Variants in VWA3B observed in about 807,000 individuals in gnomAD.
The protein encoded by VWA3B is von Willebrand factor A domain-containing protein 3B.
Under a neutral mutation model 158.3 loss-of-function variants are expected in VWA3B, and 138 were observed. The observed-to-expected ratio is 0.87, with a 90% CI of 0.76 to 1.00. VWA3B has a LOEUF of 1.00. VWA3B is among the 50% of genes least tolerant of loss of function. VWA3B has a pLI of 0.00. For missense variants in VWA3B, 1,555 were observed against 1,565.1 expected, an observed-to-expected ratio of 0.99 and a Z score of 0.11; for synonymous variants, 596 against 587.3, an observed-to-expected ratio of 1.01 and a Z score of -0.21.
chr2:98,189,425 G>A (rs1681395788), intron 10 of VWA3B, among the ~76,000 whole-genome samples: 1 of 152,138 alleles, frequency 6.6e-6, no homozygotes, highest in African/African-American at 2.4e-5. Context: ...GGATTTTCCT[G>A]ATAGCTTTTG....
intron 22 of VWA3B, among the ~76,000 whole-genome samples, chr2:98,284,369 A>G (rs1558761000): frequency 6.6e-6 from 1 of 152,178 alleles, no homozygotes; most frequent in Non-Finnish European, 1.5e-5. Context: ...GATGGCTACA[A>G]CAGAACCCAG....
chr2:98,294,025 T>C (rs1689645124), intron 23 of VWA3B, among the ~76,000 whole-genome samples: 1 of 151,628 alleles, frequency 6.6e-6, no homozygotes, highest in African/African-American at 2.4e-5. Flanking sequence ...TTCCTCAGTT[T>C]GGGTTAGATT....
At chr2:98,191,895 A>C (rs1431260739) in intron 10 of VWA3B, among the ~76,000 whole-genome samples, 1 of 152,120 alleles carries the variant, frequency 6.6e-6, no homozygotes, top group Non-Finnish European at 1.5e-5. Context: ...CTCTGAGCTC[A>C]ATTCAAATAT....
intron 2 of VWA3B, among the ~76,000 whole-genome samples, chr2:98,098,474 G>A (rs1682864909): frequency 1.3e-5 from 2 of 151,588 alleles, no homozygotes; most frequent in Non-Finnish European, 2.9e-5. Context: ...AACCTTCTTT[G>A]TCTCTTTTTA....
intron 2 of VWA3B, among the ~76,000 whole-genome samples, chr2:98,107,528 G>A (rs908403737): frequency 2.0e-5 from 3 of 152,038 alleles, no homozygotes; most frequent in Non-Finnish European, 4.4e-5. Context: ...CCTTTTTGAA[G>A]AAGTTTTAAG....
chr2:98,279,500 GGAGTGTA>G (rs1179038182), intron 22 of VWA3B, among the ~76,000 whole-genome samples: 9 of 152,330 alleles, frequency 5.9e-5, no homozygotes, highest in Admixed American at 5.9e-4. Flanking sequence ...GGAAGAAAAC[GGAGTGTA>G]GAGGGCTTAG....
the VWA3B span, among the ~76,000 whole-genome samples, chr2:98,322,290 G>A: frequency 3.9e-5 from 6 of 152,346 alleles, no homozygotes; most frequent in East Asian, 1.2e-3. Context: ...TTGTGAGTTT[G>A]TGACATTCTG....
At chr2:98,195,818 T>C (rs1431420672) in intron 12 of VWA3B, among the ~76,000 whole-genome samples, 1 of 152,182 alleles carries the variant, frequency 6.6e-6, no homozygotes, top group Non-Finnish European at 1.5e-5. Context: ...CTGTTCTCTT[T>C]ACAAATTTTC....
intron 14 of VWA3B, among the ~76,000 whole-genome samples, chr2:98,220,580 G>A (rs1466363444): frequency 1.3e-5 from 2 of 152,124 alleles, no homozygotes; most frequent in Admixed American, 1.3e-4. Context: ...AATACCATTT[G>A]ACCCAGCAAT....
At chr2:98,172,347 CAGGGGCCTGCTGGCCA>C in intron 8 of VWA3B, among the ~76,000 whole-genome samples, 1 of 62 alleles carries the variant, frequency 0.016, no homozygotes, top group South Asian at 0.5. Context: ...TTCTGCTGGT[CAGGGGCCTGCTGGCCA>C]GGGGCCTGCT....
intron 23 of VWA3B, among the ~76,000 whole-genome samples, chr2:98,294,421 A>G (rs1437063268): frequency 1.3e-5 from 2 of 152,232 alleles, no homozygotes; most frequent in African/African-American, 4.8e-5. Flanking sequence ...TCCACGCGGA[A>G]GCAGAGCTGG....
At chr2:98,191,349 G>T (rs984135183) in intron 10 of VWA3B, among the ~76,000 whole-genome samples, 10 of 152,016 alleles carry the variant, frequency 6.6e-5, no homozygotes, top group Admixed American at 4.6e-4. Context: ...TTTTCTTCTG[G>T]TTTGGATCGT....
At chr2:98,164,013 C>T (rs1036806962) in intron 8 of VWA3B, among the ~76,000 whole-genome samples, 2 of 152,228 alleles carry the variant, frequency 1.3e-5, no homozygotes, top group South Asian at 2.1e-4. Context: ...TGCCGGTGCT[C>T]TTCCAGGGAG....
chr2:98,207,021 C>G, intron 12 of VWA3B: 1 of 494,236 alleles, frequency 2.0e-6, no homozygotes, highest in South Asian at 1.5e-5. Context: ...TGGCTGAATA[C>G]TTCAGAGACC....
At chr2:98,218,996 G>A (rs562112949) in intron 14 of VWA3B, among the ~76,000 whole-genome samples, 1 of 152,168 alleles carries the variant, frequency 6.6e-6, no homozygotes, top group Non-Finnish European at 1.5e-5. Flanking sequence ...AATCTTAAAT[G>A]CAAGGCCTGA....
intron 7 of VWA3B, among the ~76,000 whole-genome samples, chr2:98,155,216 G>A (rs2105194625): frequency 6.6e-6 from 1 of 152,330 alleles, no homozygotes; most frequent in East Asian, 1.9e-4. Flanking sequence ...TGGAGCCCCT[G>A]ACCTTGGGGA....
At chr2:98,178,457 G>A (rs1341102373) in intron 8 of VWA3B, among the ~76,000 whole-genome samples, 1 of 152,154 alleles carries the variant, frequency 6.6e-6, no homozygotes, top group Non-Finnish European at 1.5e-5. Flanking sequence ...GAAGGAATTG[G>A]CTCTAACATG....
chr2:98,121,467 GT>G lies in VWA3B; in HGVS notation c.702+10del, dbSNP rs1165195085. On this transcript the variant is annotated intron_variant, in intron 5 of 27. Transcript: ENST00000477737. ...CCGGGAGAGACAAGACTGTAAGTGC[GT>G]GTTCATGGCTGGCCCCAGGCCATGG... 1.9e-6 allele frequency: 3 copies of G among 1,611,736 alleles called. No homozygotes were observed. In the East Asian group the frequency reaches 6.7e-5, roughly 36 times the overall value.
the VWA3B span, among the ~76,000 whole-genome samples, chr2:98,324,906 T>C: frequency 8.1e-6 from 1 of 123,056 alleles, no homozygotes; most frequent in Admixed American, 8.4e-5. Context: ...AATGTCTTAA[T>C]GTTAAAAAAA....
Sources: allele counts gnomAD v4.1 joint callset (sites outside exome capture counted in the v4.1 genomes callset), GRCh38; gene constraint gnomAD v4.1.1; transcripts MANE v1.5; gene names NCBI Gene and HGNC (gene_info 2026-07-23, HGNC 2026-07-21).